MYH15: variants seen among roughly 807,000 people sequenced by gnomAD.
MYH15 encodes myosin heavy chain 15.
Under a neutral mutation model 240.5 loss-of-function variants are expected in MYH15, and 227 were observed. The observed-to-expected ratio is 0.94, with a 90% CI of 0.85 to 1.05. The LOEUF is 1.05. MYH15 is among the 50% of genes least tolerant of loss of function. The probability of loss-of-function intolerance (pLI) is 0.00; values close to 1 mark genes in which losing one functional copy is unlikely to be tolerated. For missense variants in MYH15, 2,217 were observed against 2,247.5 expected (o/e 0.99, Z 0.27); for synonymous variants, 785 against 796.7 (o/e 0.99, Z 0.25).
intron 17 of MYH15, among the ~76,000 whole-genome samples, chr3:108,459,917 G>T (rs147849335): frequency 6.6e-6 from 1 of 152,294 alleles, no homozygotes; most frequent in African/African-American, 2.4e-5. Flanking sequence ...TCTGATCCTT[G>T]CAAGCAAGAG....
chr3:108,518,023 G>A (rs530706887), intron 1 of MYH15, among the ~76,000 whole-genome samples: 1 of 152,270 alleles, frequency 6.6e-6, no homozygotes, highest in South Asian at 2.1e-4. Context: ...ACAACTTAAA[G>A]GAAGGAATCT....
At chr3:108,453,655 C>T (rs2082994539) in intron 21 of MYH15, among the ~76,000 whole-genome samples, 2 of 152,222 alleles carry the variant, frequency 1.3e-5, no homozygotes, top group South Asian at 4.1e-4. Context: ...GCACACTTCC[C>T]CAAAGAGTTG....
rs200654401 is a variant in MYH15 at position 108,504,585 on chromosome 3, G to A, written c.195+1138C>T. The stretch of plus-strand genomic sequence containing the variant: ...ATCTGTTTGTTACAGGATGTGGCTT[G>A]TTATGGATTTGGGAAAAGGAAGAAT... On this transcript the variant is annotated intron_variant, in intron 2 of 40. Coordinates refer to ENST00000693548, the MANE Select transcript of MYH15 (RefSeq NM_014981.3). Among the ~76,000 whole-genome samples the A allele has an allele frequency of 5.9e-5, 9 of 152,188 alleles. No individual in the cohort carries two copies. In the East Asian group the frequency reaches 9.6e-4, roughly 16 times the overall value.
At chr3:108,486,172 G>C (rs529990353) in intron 10 of MYH15, among the ~76,000 whole-genome samples, 1 of 152,238 alleles carries the variant, frequency 6.6e-6, no homozygotes, top group South Asian at 2.1e-4. Context: ...AAACTGTAAA[G>C]ATATACACCA....
At chr3:108,415,168 T>C (rs6768609) in intron 29 of MYH15, among the ~76,000 whole-genome samples, 152,102 of 152,306 alleles carry the variant, frequency 1, 75,949 homozygotes, top group Middle Eastern at 1. Flanking sequence ...AATGGTGATC[T>C]GGCTAACCTA....
chr3:108,519,964 T>C (rs373101733), intron 1 of MYH15, among the ~76,000 whole-genome samples: 3 of 152,330 alleles, frequency 2.0e-5, no homozygotes, highest in African/African-American at 7.2e-5. Context: ...CTTTGCATAA[T>C]AGATATTCAG....
At chr3:108,497,780 T>C (rs1432868863) in intron 6 of MYH15, among the ~76,000 whole-genome samples, 2 of 152,160 alleles carry the variant, frequency 1.3e-5, no homozygotes, top group Admixed American at 6.5e-5. Flanking sequence ...GGACTTAACT[T>C]ACAGGTCCAA....
At chr3:108,481,826 T>C (rs566909201) in intron 11 of MYH15, among the ~76,000 whole-genome samples, 151 of 152,240 alleles carry the variant, frequency 9.9e-4, no homozygotes, top group Non-Finnish European at 1.7e-3. Flanking sequence ...CAAAATTACA[T>C]TTGCACCAAC....
rs1339139446 is a variant in MYH15, at chr3:108,441,222, C to T, written c.2694G>A (p.Glu898=). Residue 898 remains glutamate (E), a synonymous_variant, in exon 23 of 41, where the codon GAG becomes GAA. Coordinates refer to ENST00000693548, the MANE Select transcript of MYH15 (RefSeq NM_014981.3). ...ETLANVEEQC[E]WLIKSKIQLE... ...GCTGGATCTTGGATTTAATCAGCCA[C>T]TCGCACTGCTCTTCAACATTTGCCA... is the stretch of plus-strand genomic sequence containing the variant. 3 of 1,614,118 alleles carry T rather than the reference C, an allele frequency of 1.9e-6. No homozygotes were observed. Among genetic ancestry groups the T allele is most frequent in the African/African-American group, 1.3e-5 (1 of 75,042 alleles).
chr3:108,416,414 G>T (rs946257039), intron 29 of MYH15, among the ~76,000 whole-genome samples: 2 of 152,154 alleles, frequency 1.3e-5, no homozygotes, highest in African/African-American at 2.4e-5. Context: ...CTCATAGGAA[G>T]AAATGACTAA....
In MYH15 at chr3:108,444,910, A is replaced by G. The variant is rs1193899817; in HGVS notation, c.2400-15T>C. ...TAAGTGCATCCCTAAATCAAGAAAG[A>G]AAAAAGAAAAGCAAGTTAGCCCTGA... On this transcript the variant is annotated splice_polypyrimidine_tract_variant and intron_variant, in intron 21 of 40. Transcript: ENST00000693548. 4.4e-6 allele frequency: 7 copies of G among 1,586,996 alleles called. No individual in the cohort carries two copies. Among genetic ancestry groups the G allele is most frequent in the East Asian group, 2.2e-5 (1 of 44,710 alleles).
chr3:108,539,436 G>A, the MYH15 span, among the ~76,000 whole-genome samples: 2 of 152,094 alleles, frequency 1.3e-5, no homozygotes, highest in East Asian at 1.9e-4. Flanking sequence ...TTTTCTACAT[G>A]TGTATATTCT....
intron 21 of MYH15, among the ~76,000 whole-genome samples, chr3:108,449,427 A>C (rs889605163): frequency 2.0e-5 from 3 of 152,092 alleles, no homozygotes; most frequent in African/African-American, 7.2e-5. Flanking sequence ...CCCAGAAATC[A>C]ATCTATGCAT....
chr3:108,465,444 C>A (rs2083106629), intron 14 of MYH15, among the ~76,000 whole-genome samples: 2 of 152,182 alleles, frequency 1.3e-5, no homozygotes, highest in African/African-American at 4.8e-5. Flanking sequence ...GCCTTATAGG[C>A]TGTAGTAAGA....
chr3:108,390,125 C>A (rs147514285), intron 37 of MYH15, among the ~76,000 whole-genome samples: 11 of 152,188 alleles, frequency 7.2e-5, no homozygotes, highest in Non-Finnish European at 1.3e-4. Flanking sequence ...GGCCCCTCTA[C>A]TTTTTTTAAG....
At chr3:108,432,655 G>T (rs1576230020) in intron 25 of MYH15, among the ~76,000 whole-genome samples, 2 of 152,178 alleles carry the variant, frequency 1.3e-5, no homozygotes, top group East Asian at 3.9e-4. Context: ...TAGGGACTTG[G>T]TGCCCTGCGT....
intron 29 of MYH15, among the ~76,000 whole-genome samples, chr3:108,415,284 G>A (rs529335367): frequency 8.8e-4 from 134 of 152,234 alleles, no homozygotes; most frequent in African/African-American, 3.1e-3. Context: ...TTTTCAGGAA[G>A]ATACAGCTCT....
At chr3:108,391,213 T>C (rs1008272408) in intron 37 of MYH15, among the ~76,000 whole-genome samples, 1 of 152,228 alleles carries the variant, frequency 6.6e-6, no homozygotes, top group African/African-American at 2.4e-5. Context: ...CTGTAGTCAT[T>C]AAAATTGATT....
chr3:108,527,075 C>T lies in MYH15; in HGVS notation c.-58+2188G>A, dbSNP rs555386338. On this transcript the variant is annotated intron_variant, in intron 1 of 41. Transcript: ENST00000273353. The stretch of plus-strand genomic sequence containing the variant: ...GAATTATTTAGAGGGTTTGTTAAAA[C>T]GCAGATTGCCATGTGTCACTCCCAG... Among the ~76,000 whole-genome samples, 19 of 152,224 alleles carry T rather than the reference C, an allele frequency of 1.2e-4. 1 individual carries two copies. In the South Asian group the frequency reaches 2.5e-3, roughly 20 times the overall value.
Sources: allele counts gnomAD v4.1 joint callset (sites outside exome capture counted in the v4.1 genomes callset), GRCh38; gene constraint gnomAD v4.1.1; transcripts MANE v1.5; gene names NCBI Gene and HGNC (gene_info 2026-07-23, HGNC 2026-07-21).